Variants in CHORDC1 observed in about 807,000 individuals in gnomAD.
CHORDC1 encodes the protein cysteine and histidine rich domain containing 1, also known as cysteine and histidine-rich domain-containing protein 1.
A neutral mutation model predicts 48.3 loss-of-function variants in CHORDC1; 25 were observed. The observed-to-expected ratio is 0.52, with a 90% CI of 0.38 to 0.72. The LOEUF is 0.72. Among genes scored for constraint, CHORDC1 ranks in the 30% least tolerant of loss-of-function variants. The pLI is 0.00. For synonymous variants in CHORDC1, 128 were observed against 126.4 expected (o/e 1.01, Z -0.09); for missense variants, 317 against 388.7 (o/e 0.82, Z 1.55).
At chr11:90,219,908 T>C (rs893827270) in intron 1 of CHORDC1, among the ~76,000 whole-genome samples, 5 of 152,242 alleles carry the variant, frequency 3.3e-5, no homozygotes, top group African/African-American at 1.2e-4. Flanking sequence ...CTTAAAAGAC[T>C]ATCTTTCAAC....
At chr11:90,217,483 C>T (rs1344293411) in intron 2 of CHORDC1, among the ~76,000 whole-genome samples, 1 of 152,122 alleles carries the variant, frequency 6.6e-6, no homozygotes, top group Non-Finnish European at 1.5e-5. Context: ...AGGTCTGTCC[C>T]GAGATTGGCA....
intron 1 of CHORDC1, 26 bp from the exon 2 acceptor site, chr11:90,218,210 AAG>A: frequency 6.5e-7 from 1 of 1,534,396 alleles, no homozygotes; most frequent in Non-Finnish European, 8.8e-7. Flanking sequence ...AAAAAAAAAA[AAG>A]TACCACTCTT....
At chr11:90,218,957 T>TAA (rs67038713) in intron 1 of CHORDC1, among the ~76,000 whole-genome samples, 7 of 145,498 alleles carry the variant, frequency 4.8e-5, no homozygotes, top group South Asian at 2.1e-4. Context: ...ACTTTTTAAT[T>TAA]AAAAAAAAAA....
chr11:90,212,381 C>G (rs1302971622), intron 4 of CHORDC1: 4 of 152,136 alleles, frequency 2.6e-5, no homozygotes, highest in Non-Finnish European at 5.9e-5. Context: ...GCCTCCCCAG[C>G]CATATGGAAC....
Position 90,202,386 on chromosome 11 carries a change from C to A in CHORDC1, c.*19G>T. 1 of 1,608,614 alleles carries A rather than the reference C, an allele frequency of 6.2e-7. No homozygotes were observed. The highest frequency in any genetic ancestry group is 8.5e-7 in the Non-Finnish European group (1 of 1,177,436). On this transcript the variant is annotated 3_prime_UTR_variant, in exon 11 of 11. Transcript: ENST00000320585. ...TAAAAATTCGGAAATAATGTAATAG[C>A]CTTCCTTCCATCTCCCACTCAATCT...
At chr11:90,219,688 T>C (rs143211664) in intron 1 of CHORDC1, among the ~76,000 whole-genome samples, 6 of 152,254 alleles carry the variant, frequency 3.9e-5, no homozygotes, top group Non-Finnish European at 7.3e-5. Context: ...GGAATACTTT[T>C]AGTAAATCTC....
intron 6 of CHORDC1, chr11:90,207,753 T>G (rs1436544736): frequency 1.7e-4 from 3 of 17,580 alleles, no homozygotes; most frequent in South Asian, 2.2e-3. Context: ...ACTAGAATGG[T>G]TAAAATACAA....
At chr11:90,210,946 G>T in intron 5 of CHORDC1, 1 of 300,858 alleles carries the variant, frequency 3.3e-6, no homozygotes, top group Non-Finnish European at 6.0e-6. Context: ...AAATATCAAA[G>T]AAATTTAGCT....
Position 90,222,915 on chromosome 11 carries a change from A to T in CHORDC1, c.40T>A (p.Phe14Ile), listed in dbSNP as rs774540732. 65 of 1,614,020 alleles carry T rather than the reference A, an allele frequency of 4.0e-5. No homozygotes were observed. The highest frequency in any genetic ancestry group is 5.4e-5 in the Non-Finnish European group (64 of 1,180,006). ...CCGTCGGAATTGGTCTCAGGATCGA[A>T]GCGCTGACCGCAGCCCCGGTTGTAG... ...LCYNRGCGQR[F>I]DPETNSDDAC... Residue 14 changes from phenylalanine (F) to isoleucine (I), a missense_variant, in exon 1 of 11, where the codon TTC becomes ATC. Phe to Ile is a conservative substitution (Grantham distance 21). Coordinates refer to ENST00000320585, the MANE Select transcript of CHORDC1 (RefSeq NM_012124.3).
chr11:90,211,802 T>A, intron 4 of CHORDC1: 1 of 153,322 alleles, frequency 6.5e-6, no homozygotes, highest in Non-Finnish European at 1.5e-5. Context: ...GATACGATCG[T>A]ATTGCAAGGC....
intron 8 of CHORDC1, among the ~76,000 whole-genome samples, chr11:90,204,180 TTAGA>T (rs1857610073): frequency 6.6e-6 from 1 of 152,146 alleles, no homozygotes; most frequent in East Asian, 1.9e-4. Flanking sequence ...AGCTACTAGC[TTAGA>T]TACTTAATAC....
At position 90,202,478 on chromosome 11, in the gene CHORDC1, G is replaced by A. The variant is rs753194277; in HGVS notation, c.926C>T (p.Pro309Leu). ...KIEITMRKAE[P>L]MQWASLELPA... ...CAGTTCAAGGCTTGCCCACTGCATC[G>A]GTTCAGCTTTTCTCATAGTGATTTC... is the stretch of plus-strand genomic sequence containing the variant. Residue 309 changes from proline to leucine, a missense_variant, in exon 11 of 11, where the codon CCG (proline) becomes CTG (leucine). By Grantham distance (98) the Pro-to-Leu change is moderately conservative. Coordinates refer to ENST00000320585, the MANE Select transcript of CHORDC1 (RefSeq NM_012124.3). 30 of 1,612,302 alleles carry A rather than the reference G, an allele frequency of 1.9e-5. No homozygotes were observed. Among genetic ancestry groups the A allele is most frequent in the East Asian group, 1.3e-4 (6 of 44,874 alleles).
At chr11:90,203,690 C>T (rs542725649) in intron 8 of CHORDC1, among the ~76,000 whole-genome samples, 203 of 147,538 alleles carry the variant, frequency 1.4e-3, no homozygotes, top group African/African-American at 4.7e-3. Flanking sequence ...AATATTGATA[C>T]ACAGCTAAAA....
intron 5 of CHORDC1, chr11:90,210,870 A>G (rs1268399139): frequency 2.7e-6 from 1 of 371,270 alleles, no homozygotes; most frequent in Non-Finnish European, 4.8e-6. Context: ...TTTTCCTCCC[A>G]TGGTACCAGG....
intron 2 of CHORDC1, among the ~76,000 whole-genome samples, chr11:90,217,420 C>G (rs558289719): frequency 2.4e-4 from 37 of 152,122 alleles, no homozygotes; most frequent in Non-Finnish European, 5.0e-4. Flanking sequence ...CCTAGTCAAA[C>G]AACATTCCAC....
At chr11:90,221,416 C>T (rs547843082) in intron 1 of CHORDC1, among the ~76,000 whole-genome samples, 4 of 152,166 alleles carry the variant, frequency 2.6e-5, no homozygotes, top group Non-Finnish European at 4.4e-5. Flanking sequence ...GTACTGCTGA[C>T]CACCCAAGTT....
In CHORDC1 at chr11:90,206,243, T is replaced by C; in HGVS notation, c.522A>G (p.Glu174=). The stretch of plus-strand genomic sequence containing the variant: ...GTACTCCAGAATGATATACACAGAC[T>C]TCTTCTAGACTCTCTAGACCCTGGT... The part of the protein sequence containing the change: ...KTYQGLESLE[E]VCVYHSGVPI... Residue 174 remains glutamate (E), a synonymous_variant, in exon 7 of 11, where the codon GAA becomes GAG. Coordinates refer to ENST00000320585, the MANE Select transcript of CHORDC1 (RefSeq NM_012124.3). 6.3e-7 allele frequency: 1 copy of C among 1,576,746 alleles called. No individual in the cohort carries two copies. Among genetic ancestry groups the C allele is most frequent in the East Asian group, 2.2e-5 (1 of 44,610 alleles).
chr11:90,206,865 TA>T lies in CHORDC1; in HGVS notation c.493-594del, dbSNP rs1445832561. On this transcript the variant is annotated intron_variant, in intron 6 of 10. Transcript: ENST00000320585. Reference sequence around the variant, plus strand: ...AATAAAACATGGATGTAGCCAGTAGTATATTTTCTATTTTTGTATTTATAGC... The same window carrying T: ...AATAAAACATGGATGTAGCCAGTAGTTATTTTCTATTTTTGTATTTATAGC... The T allele has an allele frequency of 3.8e-6, 3 of 779,356 alleles. No individual in the cohort carries two copies. In the African/African-American group the frequency reaches 5.5e-5, roughly 14 times the overall value. The allele number at this position is 779,356 out of a possible 1,614,324, so 48.3% of individuals were successfully genotyped here. A position where few individuals can be genotyped will look rare whatever the true frequency, so the allele number is the denominator to read the frequency against.
At chr11:90,216,821 T>C (rs1442724433) in intron 2 of CHORDC1, among the ~76,000 whole-genome samples, 4 of 152,038 alleles carry the variant, frequency 2.6e-5, no homozygotes, top group African/African-American at 7.2e-5. Context: ...AATAGAAATA[T>C]GTTGTAAGAG....
Sources: allele counts gnomAD v4.1 joint callset (sites outside exome capture counted in the v4.1 genomes callset), GRCh38; gene constraint gnomAD v4.1.1; transcripts MANE v1.5; gene names NCBI Gene and HGNC (gene_info 2026-07-23, HGNC 2026-07-21).